AFF2: variants seen among roughly 807,000 people sequenced by gnomAD.
The protein encoded by AFF2 is ALF transcription elongation factor 2.
Under a neutral mutation model 76.9 loss-of-function variants are expected in AFF2, and 14 were observed. The ratio of observed to expected loss-of-function variants is 0.18; its 90% CI spans 0.12 to 0.28. AFF2 has a LOEUF of 0.28. Among genes scored for constraint, AFF2 ranks in the 10% least tolerant of loss-of-function variants. The pLI is 1.00. For synonymous variants in AFF2, 398 were observed against 366.7 expected, an observed-to-expected ratio of 1.09 and a Z score of -0.98; for missense variants, 868 against 1,001.1, an observed-to-expected ratio of 0.87 and a Z score of 1.79.
Position 148,956,587 on chromosome X carries a change from G to A in AFF2, c.2542G>A (p.Ala848Thr). ...AGCTGTCACAGCTGTGGAGAAACCA[G>A]CCCCTAAGGGCAAACGTAAGCACAA... ...QTAVTAVEKPAPKGKRKHKPI... is the reference protein window; with the variant it reads ...QTAVTAVEKPTPKGKRKHKPI... The change falls in exon 11 of 21, where the codon GCC becomes ACC. Residue 848 changes from alanine to threonine, a missense_variant. Transcript: ENST00000370460. 1.7e-6 allele frequency: 2 copies of A among 1,210,537 alleles called. No homozygotes were observed. The highest frequency in any genetic ancestry group is 2.2e-6 in the Non-Finnish European group (2 of 895,093).
chrX:148,623,610 T>C (rs2053892585), intron 1 of AFF2, among the ~76,000 whole-genome samples: 1 of 103,641 alleles, frequency 9.6e-6, no homozygotes, highest in Non-Finnish European at 2.0e-5. Flanking sequence ...AATATATATA[T>C]ATATATATAT....
At chrX:148,710,592 T>A (rs1002609746) in intron 3 of AFF2, among the ~76,000 whole-genome samples, 2 of 112,283 alleles carry the variant, frequency 1.8e-5, no homozygotes, top group African/African-American at 6.5e-5. Flanking sequence ...GTCATCATTA[T>A]CTATTTCCAA....
chrX:148,748,063 A>C (rs1557266211), intron 3 of AFF2, among the ~76,000 whole-genome samples: 1 of 112,302 alleles, frequency 8.9e-6, no homozygotes, highest in African/African-American at 3.2e-5. Context: ...TGATTAAAGA[A>C]AATAAAAGGC....
chrX:148,574,192 C>A (rs1281948035), intron 1 of AFF2, among the ~76,000 whole-genome samples: 1 of 111,051 alleles, frequency 9.0e-6, no homozygotes, highest in East Asian at 2.8e-4. Flanking sequence ...ATCAGTAATC[C>A]TTGTCTATAG....
At chrX:148,917,595 T>C (rs1381039785) in intron 9 of AFF2, among the ~76,000 whole-genome samples, 3 of 111,859 alleles carry the variant, frequency 2.7e-5, no homozygotes, top group Non-Finnish European at 5.6e-5. Context: ...GATACTCCAC[T>C]GTCACAGGAC....
intron 7 of AFF2, among the ~76,000 whole-genome samples, chrX:148,867,000 G>A (rs2070915169): frequency 8.9e-6 from 1 of 112,221 alleles, no homozygotes; most frequent in Non-Finnish European, 1.9e-5. Flanking sequence ...TAGAAATCAT[G>A]TGTGGGAATG....
intron 3 of AFF2, among the ~76,000 whole-genome samples, chrX:148,702,957 CTT>C (rs2054822170): frequency 8.9e-6 from 1 of 112,149 alleles, no homozygotes; most frequent in Non-Finnish European, 1.9e-5. Flanking sequence ...CATTGAAACT[CTT>C]TGCCTATTAG....
intron 3 of AFF2, among the ~76,000 whole-genome samples, chrX:148,677,130 T>TTC (rs1206181607): frequency 1.8e-5 from 2 of 110,606 alleles, no homozygotes; most frequent in African/African-American, 3.3e-5. Flanking sequence ...AATCAGTGAT[T>TTC]AATTAGATGG....
At chrX:148,906,531 C>T (rs2071409127) in intron 9 of AFF2, among the ~76,000 whole-genome samples, 1 of 111,959 alleles carries the variant, frequency 8.9e-6, no homozygotes, top group Non-Finnish European at 1.9e-5. Flanking sequence ...AGAGAGCTCA[C>T]TAAAATACCA....
chrX:148,669,872 T>C (rs5980381), intron 3 of AFF2, among the ~76,000 whole-genome samples: 5,104 of 111,570 alleles, frequency 0.046, 308 homozygotes, highest in African/African-American at 0.16. Context: ...GATAACTTTA[T>C]ACTTTTAGGG....
At chrX:148,974,959 A>G (rs2072303505) in intron 16 of AFF2, among the ~76,000 whole-genome samples, 1 of 112,477 alleles carries the variant, frequency 8.9e-6, no homozygotes, top group South Asian at 3.7e-4. Flanking sequence ...GGGAAACATT[A>G]GTGAACAAAC....
chrX:148,876,882 C>A (rs183608243), intron 7 of AFF2, among the ~76,000 whole-genome samples: 78 of 111,729 alleles, frequency 7.0e-4, no homozygotes, highest in African/African-American at 2.5e-3. Flanking sequence ...AAGGCCATCT[C>A]CCACTCACTT....
At chrX:148,824,089 C>T (rs898537430) in intron 4 of AFF2, among the ~76,000 whole-genome samples, 1 of 101,317 alleles carries the variant, frequency 9.9e-6, no homozygotes, top group Non-Finnish European at 2.1e-5. Flanking sequence ...CTCTCTTCCT[C>T]TCTCACTCTC....
At chrX:148,937,095 T>G (rs1557285106) in intron 9 of AFF2, among the ~76,000 whole-genome samples, 1 of 111,675 alleles carries the variant, frequency 9.0e-6, no homozygotes, top group Non-Finnish European at 1.9e-5. Flanking sequence ...TTAAGAATAG[T>G]TTTTCCTTTG....
chrX:148,935,359 A>C (rs377749404), intron 9 of AFF2, among the ~76,000 whole-genome samples: 365 of 107,615 alleles, frequency 3.4e-3, no homozygotes, highest in African/African-American at 0.012. Flanking sequence ...GATTGTTGAT[A>C]GGCTAACAAT....
Position 148,543,580 on chromosome X carries a change from C to T in AFF2, c.47+42436C>T, listed in dbSNP as rs782483316. 8.0e-5 allele frequency among the ~76,000 whole-genome samples: 9 copies of T among 111,815 alleles called. No homozygotes were observed. The South Asian group carries it at 3.0e-3, about 37-fold the overall frequency. On this transcript the variant is annotated intron_variant, in intron 1 of 20. Coordinates refer to ENST00000370460, the MANE Select transcript of AFF2 (RefSeq NM_002025.4). ...ACCCTAGTTTGTGTGATTTCAAAGC[C>T]TTCCGCATGACAGCATGCTGTAGTA... is the stretch of plus-strand genomic sequence containing the variant.
chrX:148,637,507 T>C (rs1470138917), intron 1 of AFF2, among the ~76,000 whole-genome samples: 1 of 112,278 alleles, frequency 8.9e-6, no homozygotes, highest in Non-Finnish European at 1.9e-5. Context: ...CTAGAAAATT[T>C]CTACTTTTAG....
chrX:148,611,680 C>A (rs931425253), intron 1 of AFF2, among the ~76,000 whole-genome samples: 1 of 111,153 alleles, frequency 9.0e-6, no homozygotes, highest in African/African-American at 3.3e-5. Context: ...CTTACATAGT[C>A]TCCATTCTCC....
At chrX:148,719,088 G>T in intron 3 of AFF2, 1 of 1,100,542 alleles carries the variant, frequency 9.1e-7, no homozygotes, top group African/African-American at 1.8e-5. Context: ...GGATATTAAG[G>T]TGAGTTTTGG....
Sources: allele counts gnomAD v4.1 joint callset (sites outside exome capture counted in the v4.1 genomes callset), GRCh38; gene constraint gnomAD v4.1.1; transcripts MANE v1.5; gene names NCBI Gene and HGNC (gene_info 2026-07-23, HGNC 2026-07-21).